APTX: variants seen among roughly 807,000 people sequenced by gnomAD.
APTX encodes forkhead-associated domain histidine triad-like protein.
Under a neutral mutation model 42.3 loss-of-function variants are expected in APTX, and 33 were observed. That is an observed-to-expected ratio of 0.78 (90% CI 0.59 to 1.04). The LOEUF (loss-of-function observed/expected upper bound fraction) is 1.04. APTX is among the 50% of genes least tolerant of loss of function. The pLI, the probability that APTX is intolerant of heterozygous loss-of-function variation, is 0.00. For missense variants in APTX, 421 were observed against 415.1 expected, an observed-to-expected ratio of 1.01 and a Z score of -0.12; for synonymous variants, 130 against 146.7, an observed-to-expected ratio of 0.89 and a Z score of 0.82.
chr9:33,015,508 A>G (rs1197072910), intron 1 of APTX, among the ~76,000 whole-genome samples: 1 of 152,046 alleles, frequency 6.6e-6, no homozygotes, highest in African/African-American at 2.4e-5. Context: ...ACAGCCGCAC[A>G]CCATCATGCC....
chr9:33,003,543 A>G (rs1331557390), upstream of APTX, among the ~76,000 whole-genome samples: 1 of 152,104 alleles, frequency 6.6e-6, no homozygotes, highest in Non-Finnish European at 1.5e-5. Context: ...GAAGCAGAAG[A>G]ATTGCTTGAA....
At chr9:32,996,733 G>A (rs946638394) in intron 1 of APTX, among the ~76,000 whole-genome samples, 1 of 152,160 alleles carries the variant, frequency 6.6e-6, no homozygotes, top group African/African-American at 2.4e-5. Context: ...TTCTCTGACT[G>A]TTTAATGTGG....
At chr9:32,974,276 A>C (rs1445329513) in intron 7 of APTX, among the ~76,000 whole-genome samples, 182 bp downstream of exon 7, 1 of 152,196 alleles carries the variant, frequency 6.6e-6, no homozygotes, top group East Asian at 1.9e-4. Context: ...AACTCACAGC[A>C]AAGTGGCAAT....
Position 32,977,691 on chromosome 9 carries a change from C to T in APTX, c.771-3130G>A, listed in dbSNP as rs866626965. Among the ~76,000 whole-genome samples, 25 of 151,722 alleles carry T rather than the reference C, an allele frequency of 1.6e-4. 1 individual carries two copies. The Middle Eastern group carries it at 0.017, about 104-fold the overall frequency. ...ACTAAAAATACAAAAATTAGCTGGG[C>T]GTGGTGGCGCATGCCTGTAATCCCA... is the stretch of plus-strand genomic sequence containing the variant. On this transcript the variant is annotated intron_variant, in intron 6 of 7. Transcript: ENST00000379817.
intron 2 of APTX, among the ~76,000 whole-genome samples, chr9:32,988,686 GAA>G (rs201425898): frequency 0.23 from 16,480 of 71,088 alleles, 2,404 homozygotes; most frequent in Non-Finnish European, 0.3. Flanking sequence ...ATCTCAGGAG[GAA>G]AAAAAAAAAA....
At chr9:33,024,463 G>T (rs540858457) in intron 1 of APTX, among the ~76,000 whole-genome samples, 1 of 152,190 alleles carries the variant, frequency 6.6e-6, no homozygotes, top group Non-Finnish European at 1.5e-5. Flanking sequence ...CTGACCCGTA[G>T]GATTTAAAAG....
At chr9:33,007,969 A>G (rs10971305) in intron 1 of APTX, among the ~76,000 whole-genome samples, 10,717 of 152,066 alleles carry the variant, frequency 0.07, 511 homozygotes, top group Non-Finnish European at 0.11. Flanking sequence ...GTAATTCTTG[A>G]GATCATCTCC....
chr9:33,011,537 G>A (rs368489737), intron 1 of APTX, among the ~76,000 whole-genome samples: 1 of 151,850 alleles, frequency 6.6e-6, no homozygotes, highest in Non-Finnish European at 1.5e-5. Flanking sequence ...CACCCGCCTC[G>A]GCCTCCCAAA....
At chr9:33,015,136 T>A (rs1272625222) in intron 1 of APTX, among the ~76,000 whole-genome samples, 2 of 152,190 alleles carry the variant, frequency 1.3e-5, no homozygotes, top group Admixed American at 6.5e-5. Context: ...ATGTATGGCA[T>A]CTTGGGGTAT....
chr9:33,021,122 T>A (rs1466025142), intron 1 of APTX, among the ~76,000 whole-genome samples: 5 of 134,094 alleles, frequency 3.7e-5, no homozygotes, highest in African/African-American at 8.3e-5. Context: ...AGAGAGAAAC[T>A]CTGTCTCAAA....
chr9:32,989,514 T>C (rs572286537), intron 2 of APTX: 4 of 634,292 alleles, frequency 6.3e-6, no homozygotes, highest in African/African-American at 5.4e-5. Flanking sequence ...AATTCCACCA[T>C]CCCATGGTAA....
chr9:32,998,883 G>A (rs561579199), intron 1 of APTX, among the ~76,000 whole-genome samples: 65 of 143,162 alleles, frequency 4.5e-4, no homozygotes, highest in African/African-American at 1.6e-3. Flanking sequence ...AAAAAAATTG[G>A]TCAAGCTAAA....
At chr9:33,006,551 G>T (rs7036988), upstream of APTX, among the ~76,000 whole-genome samples, 1 of 152,168 alleles carries the variant, frequency 6.6e-6, no homozygotes, top group Non-Finnish European at 1.5e-5. Flanking sequence ...GGCTGTGGTT[G>T]CCTGGTCCAG....
chr9:33,017,559 C>T (rs1837990143), intron 1 of APTX, among the ~76,000 whole-genome samples: 1 of 152,146 alleles, frequency 6.6e-6, no homozygotes, highest in Admixed American at 6.6e-5. Flanking sequence ...TGGGGATTTC[C>T]AATTTATGAA....
intron 1 of APTX, among the ~76,000 whole-genome samples, chr9:33,014,381 G>A (rs575298091): frequency 4.6e-4 from 70 of 152,390 alleles, no homozygotes; most frequent in Non-Finnish European, 7.8e-4. Flanking sequence ...CAGTTTATTA[G>A]AAATCATGGT....
At chr9:32,998,024 G>C (rs978676965) in intron 1 of APTX, among the ~76,000 whole-genome samples, 14 of 152,194 alleles carry the variant, frequency 9.2e-5, no homozygotes, top group African/African-American at 3.4e-4. Flanking sequence ...AGTAGAGATG[G>C]AGAAGACTGC....
chr9:33,008,502 AAGT>A (rs1837315339), intron 1 of APTX, among the ~76,000 whole-genome samples: 2 of 152,016 alleles, frequency 1.3e-5, no homozygotes, highest in South Asian at 4.2e-4. Context: ...CGGCCTCCCA[AAGT>A]GCTGGAATTA....
At chr9:33,008,699 G>A (rs918958164) in intron 1 of APTX, among the ~76,000 whole-genome samples, 6 of 152,084 alleles carry the variant, frequency 3.9e-5, no homozygotes, top group African/African-American at 1.4e-4. Context: ...TTACAGGCAT[G>A]TGCCACCATG....
At chr9:32,976,577 T>C (rs1004845732) in intron 6 of APTX, among the ~76,000 whole-genome samples, 8 of 152,166 alleles carry the variant, frequency 5.3e-5, no homozygotes, top group African/African-American at 1.9e-4. Flanking sequence ...CAGTATAGGT[T>C]TCCAAATCAA....
Sources: allele counts gnomAD v4.1 joint callset (sites outside exome capture counted in the v4.1 genomes callset), GRCh38; gene constraint gnomAD v4.1.1; transcripts MANE v1.5; gene names NCBI Gene and HGNC (gene_info 2026-07-23, HGNC 2026-07-21).